Variants in IMPA1 observed in about 807,000 individuals in gnomAD.
IMPA1 encodes the protein inositol monophosphatase 1.
In IMPA1, 21 loss-of-function variants were observed where a neutral mutation model predicts 34.9. The observed-to-expected ratio is 0.60, with a 90% CI of 0.43 to 0.87. The LOEUF (loss-of-function observed/expected upper bound fraction) is 0.87. Ranked by LOEUF, IMPA1 falls within the 40% of genes least tolerant of loss-of-function variation. The probability of loss-of-function intolerance (pLI) is 0.00; values close to 1 mark genes in which losing one functional copy is unlikely to be tolerated. For synonymous variants in IMPA1, 95 were observed against 104.4 expected (o/e 0.91, Z 0.55); for missense variants, 299 against 336.4 (o/e 0.89, Z 0.87).
chr8:81,680,656 G>A lies in IMPA1; in HGVS notation c.191C>T (p.Ser64Phe), dbSNP rs1585903086. 1.2e-6 allele frequency: 2 copies of A among 1,607,728 alleles called. No individual in the cohort carries two copies. Among genetic ancestry groups the A allele is most frequent in the Admixed American group, 3.4e-5 (2 of 59,074 alleles). ...LISSIKEKYP[S>F]HSFIGEESVA... is the part of the protein sequence containing the mutation. ...ACACAGTAAATAAAAATACCTGTGAGATGGATACTTTTCCTTTATGGAAGA... is the reference window on the plus strand; with the variant it reads ...ACACAGTAAATAAAAATACCTGTGAAATGGATACTTTTCCTTTATGGAAGA... The change falls in exon 3 of 9, where the codon TCT (serine) becomes TTT (phenylalanine). Residue 64 changes from serine (S) to phenylalanine (F), a missense_variant. Ser to Phe is a radical substitution (Grantham distance 155, BLOSUM62 -2). Transcript: ENST00000256108.
At chr8:81,684,114 TACACACACACACACATACACACATACAC>T (rs1563591926) in intron 1 of IMPA1, among the ~76,000 whole-genome samples, 1 of 139,748 alleles carries the variant, frequency 7.2e-6, no homozygotes. Context: ...TATATATATA[TACACACACACACACATACACACATACAC>T]ACACACACAC....
chr8:81,674,125 A>G (rs1336601755), intron 5 of IMPA1, 176 bp from the exon 6 acceptor site: 9 of 542,304 alleles, frequency 1.7e-5, no homozygotes, highest in Non-Finnish European at 2.6e-5. Context: ...GGTCACCAGA[A>G]CTGATATCCT....
intron 7 of IMPA1, among the ~76,000 whole-genome samples, chr8:81,668,198 C>A (rs1467660394): frequency 6.6e-6 from 1 of 152,086 alleles, no homozygotes; most frequent in Non-Finnish European, 1.5e-5. Flanking sequence ...AATTTCTAAA[C>A]AAATTATAGA....
At position 81,686,101 on chromosome 8, in the gene IMPA1, A is replaced by T. The variant is rs991730507; in HGVS notation, c.-25+151T>A. ...CGCCCAGGGCAGCTCCGGATAACGC[A>T]GCAGGCAGGGGTCACCCAGAGGCTG... is the stretch of plus-strand genomic sequence containing the variant. On this transcript the variant is annotated intron_variant, in intron 1 of 8. Transcript: ENST00000256108. 1.0e-5 allele frequency: 9 copies of T among 867,496 alleles called. No individual in the cohort carries two copies. The African/African-American group carries it at 1.2e-4, about 12-fold the overall frequency. The allele number at this position is 867,496 out of a possible 1,614,324, so 53.7% of individuals were successfully genotyped here.
At chr8:81,667,707 G>A (rs925960688) in intron 7 of IMPA1, among the ~76,000 whole-genome samples, 17 of 151,340 alleles carry the variant, frequency 1.1e-4, no homozygotes, top group African/African-American at 4.1e-4. Flanking sequence ...AATAGGAACA[G>A]TATTCTGATG....
intron 2 of IMPA1, among the ~76,000 whole-genome samples, chr8:81,681,111 G>A (rs989350526): frequency 1.3e-5 from 2 of 152,114 alleles, no homozygotes; most frequent in African/African-American, 4.8e-5. Context: ...ATTTAACAAG[G>A]CAGGCTGGGT....
chr8:81,686,074 G>A, intron 1 of IMPA1, 178 bp downstream of exon 1: 1 of 1,017,538 alleles, frequency 9.8e-7, no homozygotes, highest in African/African-American at 1.7e-5. Flanking sequence ...ACTGTTCCCG[G>A]TCGCCCAGGG....
At chr8:81,666,869 C>CCAAAAAA (rs1806841700) in intron 7 of IMPA1, among the ~76,000 whole-genome samples, 1 of 39,340 alleles carries the variant, frequency 2.5e-5, no homozygotes, top group African/African-American at 8.8e-5. Context: ...GACTCTGTCT[C>CCAAAAAA]AAAAAAAAAA....
intron 7 of IMPA1, among the ~76,000 whole-genome samples, chr8:81,665,478 A>C (rs150997566): frequency 6.6e-6 from 1 of 152,310 alleles, no homozygotes; most frequent in East Asian, 1.9e-4. Flanking sequence ...AAAAAGAGAC[A>C]GAGAGAAAAT....
chr8:81,671,220 C>T (rs572339050), intron 6 of IMPA1, among the ~76,000 whole-genome samples, 173 bp from the exon 7 acceptor site: 1 of 152,170 alleles, frequency 6.6e-6, no homozygotes, highest in Admixed American at 6.5e-5. Context: ...TTTTTATAAG[C>T]ATCAGAGTCC....
At chr8:81,675,168 C>T (rs193280999) in intron 5 of IMPA1, among the ~76,000 whole-genome samples, 1 of 152,290 alleles carries the variant, frequency 6.6e-6, no homozygotes, top group African/African-American at 2.4e-5. Flanking sequence ...CCATGAACAT[C>T]TCACCATTCC....
At chr8:81,676,869 T>A (rs1807148115) in intron 4 of IMPA1, among the ~76,000 whole-genome samples, 1 of 151,870 alleles carries the variant, frequency 6.6e-6, no homozygotes, top group Admixed American at 6.6e-5. Context: ...GGTGCACGCC[T>A]ATAGTCCAAG....
At chr8:81,686,081 A>G (rs1807515432) in intron 1 of IMPA1, 171 bp downstream of exon 1, 1 of 966,172 alleles carries the variant, frequency 1.0e-6, no homozygotes, top group Non-Finnish European at 1.4e-6. Context: ...CCGGTCGCCC[A>G]GGGCAGCTCC....
At chr8:81,676,467 G>A (rs1807132945) in intron 4 of IMPA1, among the ~76,000 whole-genome samples, 188 bp from the exon 5 acceptor site, 1 of 152,034 alleles carries the variant, frequency 6.6e-6, no homozygotes, top group Non-Finnish European at 1.5e-5. Context: ...GGATAAAGTG[G>A]AGGTATTATA....
At chr8:81,661,641 G>A (rs1001583250) in intron 7 of IMPA1, among the ~76,000 whole-genome samples, 1 of 152,180 alleles carries the variant, frequency 6.6e-6, no homozygotes, top group African/African-American at 2.4e-5. Context: ...GATGAGAAAT[G>A]ACAACTAAAT....
intron 5 of IMPA1, chr8:81,674,256 A>G (rs1007568498): frequency 8.4e-6 from 2 of 237,892 alleles, no homozygotes; most frequent in East Asian, 1.8e-4. Context: ...TAGGACTCCT[A>G]CCCTCACATA....
At chr8:81,664,980 G>T (rs1489740184) in intron 7 of IMPA1, among the ~76,000 whole-genome samples, 2 of 151,726 alleles carry the variant, frequency 1.3e-5, no homozygotes, top group Middle Eastern at 3.2e-3. Context: ...CAACCAGCAG[G>T]TATTCATAAA....
chr8:81,682,744 G>A (rs1055727226), intron 1 of IMPA1, among the ~76,000 whole-genome samples: 3 of 151,598 alleles, frequency 2.0e-5, no homozygotes, highest in South Asian at 2.1e-4. Context: ...TCACACCCCC[G>A]CCTTCTAACA....
chr8:81,676,028 C>T (rs1439234943), intron 5 of IMPA1, among the ~76,000 whole-genome samples: 3 of 152,208 alleles, frequency 2.0e-5, no homozygotes, highest in Non-Finnish European at 2.9e-5. Flanking sequence ...TTTCTTCTTA[C>T]AACTCCTGCT....
Sources: gnomAD v4.1 joint callset for allele counts (sites outside exome capture counted in the v4.1 genomes callset) on GRCh38, gnomAD v4.1.1 for gene constraint, MANE v1.5 for transcripts, NCBI Gene and HGNC (gene_info 2026-07-23, HGNC 2026-07-21) for gene names.